IL1RAPL1: variants seen among roughly 807,000 people sequenced by gnomAD.
IL1RAPL1 encodes the protein interleukin 1 receptor accessory protein like 1.
A neutral mutation model predicts 48.4 loss-of-function variants in IL1RAPL1; 3 were observed. The ratio of observed to expected loss-of-function variants is 0.06; its 90% confidence interval spans 0.03 to 0.16. The LOEUF is 0.16. Ranked by LOEUF, IL1RAPL1 falls within the 10% of genes least tolerant of loss-of-function variation. IL1RAPL1 has a pLI of 1.00. For missense variants in IL1RAPL1, 349 were observed against 530.6 expected (o/e 0.66, Z 3.36); for synonymous variants, 185 against 187.7 (o/e 0.99, Z 0.12).
chrX:28,803,944 A>G (rs1484246346), intron 2 of IL1RAPL1, among the ~76,000 whole-genome samples: 2 of 112,569 alleles, frequency 1.8e-5, no homozygotes, highest in Admixed American at 1.9e-4. Flanking sequence ...GGAAAATTTT[A>G]TTAATAGAAA....
At chrX:29,271,402 A>G (rs775665659) in intron 2 of IL1RAPL1, among the ~76,000 whole-genome samples, 71 of 112,471 alleles carry the variant, frequency 6.3e-4, no homozygotes, top group African/African-American at 2.2e-3. Flanking sequence ...GCTGGATCAA[A>G]TGATAGTTCT....
chrX:29,801,786 T>G (rs1929911587), intron 6 of IL1RAPL1, among the ~76,000 whole-genome samples: 1 of 111,576 alleles, frequency 9.0e-6, no homozygotes, highest in African/African-American at 3.3e-5. Flanking sequence ...AGTGGCATGG[T>G]GGTGGTGTTC....
At chrX:28,828,975 C>A (rs1043551559) in intron 2 of IL1RAPL1, among the ~76,000 whole-genome samples, 3 of 111,908 alleles carry the variant, frequency 2.7e-5, no homozygotes, top group African/African-American at 9.7e-5. Context: ...GTGTTAAATC[C>A]TTTGATCCAT....
intron 2 of IL1RAPL1, among the ~76,000 whole-genome samples, chrX:29,024,538 G>A (rs1926442680): frequency 9.0e-6 from 1 of 111,553 alleles, no homozygotes; most frequent in Non-Finnish European, 1.9e-5. Flanking sequence ...AAATTACATT[G>A]GGTTATTGTG....
At position 29,575,875 on chromosome X, in the gene IL1RAPL1, T is replaced by G. The variant is rs761516854; in HGVS notation, c.704-92555T>G. The stretch of plus-strand genomic sequence containing the variant: ...TGAGGGTATAGCTTCCAGAGGGCTG[T>G]GTGAGCTGTCATACACATGAAATGC... On this transcript the variant is annotated intron_variant, in intron 5 of 10. Coordinates refer to ENST00000378993, the MANE Select transcript of IL1RAPL1 (RefSeq NM_014271.4). Among the ~76,000 whole-genome samples the G allele has an allele frequency of 2.7e-5, 3 of 112,128 alleles. No individual in the cohort carries two copies. In the East Asian group the frequency reaches 8.5e-4, roughly 32 times the overall value.
At chrX:29,491,994 C>T (rs766121195) in intron 5 of IL1RAPL1, among the ~76,000 whole-genome samples, 42 of 112,302 alleles carry the variant, frequency 3.7e-4, no homozygotes, top group Non-Finnish European at 6.6e-4. Context: ...TGTAACTTTA[C>T]GTGTCTGCAT....
intron 1 of IL1RAPL1, among the ~76,000 whole-genome samples, chrX:28,723,450 C>A (rs1270965247): frequency 4.5e-5 from 5 of 111,188 alleles, no homozygotes; most frequent in African/African-American, 1.6e-4. Flanking sequence ...TCCCCTTTAT[C>A]ATTTTTTATT....
chrX:28,958,732 C>A (rs1300336702), intron 2 of IL1RAPL1, among the ~76,000 whole-genome samples: 2 of 111,215 alleles, frequency 1.8e-5, no homozygotes, highest in Non-Finnish European at 3.8e-5. Context: ...TCAAACAGAC[C>A]CCCACCAACA....
intron 2 of IL1RAPL1, among the ~76,000 whole-genome samples, chrX:28,799,694 C>G (rs1386364041): frequency 8.9e-6 from 1 of 111,776 alleles, no homozygotes; most frequent in South Asian, 3.8e-4. Context: ...CGATAAAAAT[C>G]GTATTTACAT....
chrX:29,570,485 T>C (rs1922558398), intron 5 of IL1RAPL1, among the ~76,000 whole-genome samples: 1 of 112,709 alleles, frequency 8.9e-6, no homozygotes, highest in South Asian at 3.7e-4. Flanking sequence ...TTTTTTCTCA[T>C]ACATTACTAC....
At chrX:28,630,143 C>A (rs1934383287) in intron 1 of IL1RAPL1, among the ~76,000 whole-genome samples, 1 of 111,279 alleles carries the variant, frequency 9.0e-6, no homozygotes, top group Non-Finnish European at 1.9e-5. Context: ...TTTCTATCTT[C>A]CTTTTCACTG....
rs188546164 is a variant in IL1RAPL1 at position 29,711,345 on chromosome X, G to A, written c.778+42841G>A. On this transcript the variant is annotated intron_variant, in intron 6 of 10. Transcript: ENST00000378993. ...ATTACCGCCATGCGCCACCAGTCCC[G>A]GCTAATTTTGTATTTTTAGTAGAGA... is the stretch of plus-strand genomic sequence containing the variant. Among the ~76,000 whole-genome samples the A allele has an allele frequency of 4.5e-3, 483 of 106,376 alleles. 4 individuals carry two copies. The highest frequency in any genetic ancestry group is 0.016 in the African/African-American group (459 of 29,269). 92.4% of individuals were successfully genotyped at this position (106,376 alleles called of 115,157 possible).
chrX:28,965,805 A>G (rs1272626381), intron 2 of IL1RAPL1, among the ~76,000 whole-genome samples: 2 of 112,154 alleles, frequency 1.8e-5, no homozygotes, highest in Non-Finnish European at 3.8e-5. Context: ...TAGTAAAGCC[A>G]TCTATCATAA....
intron 3 of IL1RAPL1, among the ~76,000 whole-genome samples, chrX:29,387,004 G>A (rs1933786393): frequency 8.9e-6 from 1 of 111,819 alleles, no homozygotes. Context: ...TTTTGAATTG[G>A]AAATTTAAGG....
intron 6 of IL1RAPL1, among the ~76,000 whole-genome samples, chrX:29,722,373 A>G (rs774780432): frequency 8.9e-5 from 10 of 112,262 alleles, no homozygotes; most frequent in African/African-American, 2.9e-4. Context: ...GAAAGGTCAT[A>G]TTTATCCAAG....
intron 1 of IL1RAPL1, among the ~76,000 whole-genome samples, chrX:28,679,386 T>C (rs905880926): frequency 2.7e-5 from 3 of 111,929 alleles, no homozygotes. Context: ...TGCACATATT[T>C]TCTCCCACTT....
intron 6 of IL1RAPL1, among the ~76,000 whole-genome samples, chrX:29,803,305 A>G (rs1245038909): frequency 1.2e-4 from 4 of 33,557 alleles, no homozygotes; most frequent in Admixed American, 2.6e-4. Flanking sequence ...GTATACATAT[A>G]CACACATGTA....
chrX:29,385,394 C>T (rs764892424), intron 3 of IL1RAPL1, among the ~76,000 whole-genome samples: 3 of 112,034 alleles, frequency 2.7e-5, no homozygotes, highest in South Asian at 3.7e-4. Context: ...GCGGAGGTTG[C>T]GGTGAGCCGA....
intron 4 of IL1RAPL1, 108 bp downstream of exon 4, chrX:29,396,552 C>T: frequency 1.4e-6 from 1 of 716,421 alleles, no homozygotes; most frequent in South Asian, 2.2e-5. Context: ...TTTAGCTTTG[C>T]CTTTCTAGAA....
Sources: allele counts gnomAD v4.1 joint callset (sites outside exome capture counted in the v4.1 genomes callset), GRCh38; gene constraint gnomAD v4.1.1; transcripts MANE v1.5; gene names NCBI Gene and HGNC (gene_info 2026-07-23, HGNC 2026-07-21).